Variants in MBD5 observed in about 807,000 individuals in gnomAD.
MBD5 encodes the protein methyl-CpG-binding domain protein 5.
In MBD5, 13 loss-of-function variants were observed where a neutral mutation model predicts 117.3. The observed-to-expected ratio is 0.11, with a 90% confidence interval of 0.07 to 0.18. The LOEUF (loss-of-function observed/expected upper bound fraction) is 0.18, where lower values mean the gene tolerates loss of function less well. Ranked by LOEUF, MBD5 falls within the 10% of genes least tolerant of loss-of-function variation. MBD5 has a pLI of 1.00. For synonymous variants in MBD5, 727 were observed against 766.4 expected (o/e 0.95, Z 0.85); for missense variants, 1,879 against 2,093.8 (o/e 0.90, Z 2.00).
chr2:148,142,164 T>A (rs1370572534), intron 1 of MBD5, among the ~76,000 whole-genome samples: 3 of 151,826 alleles, frequency 2.0e-5, no homozygotes, highest in Admixed American at 2.0e-4. Flanking sequence ...ACCAAAACAA[T>A]AGAGTGAATG....
At chr2:148,274,453 T>G (rs1701055367) in intron 3 of MBD5, among the ~76,000 whole-genome samples, 1 of 151,968 alleles carries the variant, frequency 6.6e-6, no homozygotes, top group Non-Finnish European at 1.5e-5. Flanking sequence ...AACTTTAGAT[T>G]AATGTTGCTT....
At chr2:148,359,053 G>C (rs1703458354) in intron 4 of MBD5, among the ~76,000 whole-genome samples, 1 of 152,090 alleles carries the variant, frequency 6.6e-6, no homozygotes, top group African/African-American at 2.4e-5. Context: ...CCTGAGGTCA[G>C]GAGTTCAAGA....
At chr2:148,308,491 C>CTTTT (rs60650324) in intron 3 of MBD5, among the ~76,000 whole-genome samples, 26 of 66,766 alleles carry the variant, frequency 3.9e-4, no homozygotes, top group African/African-American at 1.1e-3. Context: ...GGGGTTCTTT[C>CTTTT]TTTTTTTTTT....
At chr2:148,102,708 A>G (rs1285248246) in intron 1 of MBD5, among the ~76,000 whole-genome samples, 7 of 19,954 alleles carry the variant, frequency 3.5e-4, no homozygotes, top group South Asian at 3.2e-3. Context: ...GATCACACAC[A>G]CACACACACA....
At chr2:148,434,771 G>A (rs887119404) in intron 4 of MBD5, among the ~76,000 whole-genome samples, 51 of 152,194 alleles carry the variant, frequency 3.4e-4, no homozygotes, top group African/African-American at 1.0e-3. Context: ...TGTTATGTCC[G>A]TTTGGTCAAG....
chr2:148,467,421 G>A (rs1295486210), intron 7 of MBD5, among the ~76,000 whole-genome samples: 1 of 152,092 alleles, frequency 6.6e-6, no homozygotes. Context: ...TGTAAAAAGA[G>A]AATATGCAAT....
At chr2:148,028,149 C>G (rs2105565976) in intron 1 of MBD5, 1 of 152,070 alleles carries the variant, frequency 6.6e-6, no homozygotes, top group East Asian at 1.9e-4. Context: ...TTCAGTTGAC[C>G]TATATAACCT....
intron 4 of MBD5, among the ~76,000 whole-genome samples, chr2:148,384,536 CT>C (rs1704277434): frequency 6.6e-6 from 1 of 152,228 alleles, no homozygotes; most frequent in Non-Finnish European, 1.5e-5. Context: ...GACATACTGC[CT>C]AAGGTAACTT....
chr2:148,261,642 C>T (rs978436146), intron 3 of MBD5, among the ~76,000 whole-genome samples: 2 of 152,252 alleles, frequency 1.3e-5, no homozygotes, highest in African/African-American at 4.8e-5. Context: ...CGCTATTTCA[C>T]AGCAAAAAGG....
chr2:148,471,094 A>T (rs1482365357), intron 8 of MBD5: 2 of 151,582 alleles, frequency 1.3e-5, no homozygotes, highest in Admixed American at 6.6e-5. Flanking sequence ...GCTTTCTAAT[A>T]AAAAAAAGGC....
intron 1 of MBD5, among the ~76,000 whole-genome samples, chr2:148,158,027 A>G (rs571089680): frequency 6.6e-6 from 1 of 152,294 alleles, no homozygotes; most frequent in African/African-American, 2.4e-5. Context: ...TTTACATTAT[A>G]TGAATTTCAT....
intron 2 of MBD5, among the ~76,000 whole-genome samples, chr2:148,226,510 C>T (rs1320218702): frequency 6.6e-6 from 1 of 152,128 alleles, no homozygotes; most frequent in Admixed American, 6.6e-5. Context: ...TCCAGTCTAC[C>T]ATTGTTGGAC....
chr2:148,244,607 A>T (rs1033485268), intron 3 of MBD5, among the ~76,000 whole-genome samples: 2 of 152,162 alleles, frequency 1.3e-5, no homozygotes, highest in African/African-American at 2.4e-5. Flanking sequence ...TTTACTTTTT[A>T]AAAAAGTATT....
intron 1 of MBD5, among the ~76,000 whole-genome samples, chr2:148,151,339 T>C (rs1355251009): frequency 6.6e-6 from 1 of 151,644 alleles, no homozygotes; most frequent in Non-Finnish European, 1.5e-5. Flanking sequence ...CTGGATTTGG[T>C]TTGCCAGTAT....
At chr2:148,511,692 T>C (rs1392156461) in intron 13 of MBD5, among the ~76,000 whole-genome samples, 1 of 152,218 alleles carries the variant, frequency 6.6e-6, no homozygotes, top group Non-Finnish European at 1.5e-5. Flanking sequence ...GTCTCAGTTA[T>C]AAAAAGTTTC....
chr2:148,178,801 G>GT lies in MBD5; in HGVS notation c.-831+9dup, dbSNP rs796052705. The GT allele has an allele frequency of 6.7e-4, 267 of 398,182 alleles. No individual in the cohort carries two copies. Among genetic ancestry groups the GT allele is most frequent in the Non-Finnish European group, 1.1e-3 (237 of 225,712 alleles). 24.7% of individuals were successfully genotyped at this position (398,182 alleles called of 1,614,324 possible). A position where few individuals can be genotyped will look rare whatever the true frequency, so the allele number is the denominator to read the frequency against. ...AGAAGATAAGCACTAAAGGTAAGTA[G>GT]TAACTATAGCCCCATATATAATTTC... is the stretch of plus-strand genomic sequence containing the variant. On this transcript the variant is annotated intron_variant, in intron 2 of 13. Coordinates refer to ENST00000642680, the MANE Select transcript of MBD5 (RefSeq NM_001378120.1).
At chr2:148,412,303 T>TGTGTGTGTGTAG (rs371452995) in intron 4 of MBD5, among the ~76,000 whole-genome samples, 6 of 138,232 alleles carry the variant, frequency 4.3e-5, no homozygotes, top group Non-Finnish European at 7.9e-5. Context: ...TGTGTGTGTG[T>TGTGTGTGTGTAG]AGAGAGAGAG....
chr2:148,035,747 C>T (rs1315759775), intron 1 of MBD5, among the ~76,000 whole-genome samples: 1 of 152,158 alleles, frequency 6.6e-6, no homozygotes, highest in Non-Finnish European at 1.5e-5. Context: ...AATCCCTGCT[C>T]CACCACTTAA....
chr2:148,218,733 AT>A (rs1226080497), intron 2 of MBD5, among the ~76,000 whole-genome samples: 1 of 152,206 alleles, frequency 6.6e-6, no homozygotes, highest in Non-Finnish European at 1.5e-5. Flanking sequence ...TTACAACATA[AT>A]GGTATTTGTA....
Sources: allele counts gnomAD v4.1 joint callset (sites outside exome capture counted in the v4.1 genomes callset), GRCh38; gene constraint gnomAD v4.1.1; transcripts MANE v1.5; gene names NCBI Gene and HGNC (gene_info 2026-07-23, HGNC 2026-07-21).